SGCD: variants seen among roughly 807,000 people sequenced by gnomAD.
The protein encoded by SGCD is sarcoglycan delta, also known as delta-sarcoglycan.
SGCD carries 18 observed loss-of-function variants against 36.6 expected under a neutral mutation model. The ratio of observed to expected loss-of-function variants is 0.49; its 90% CI spans 0.34 to 0.73. SGCD has a LOEUF of 0.73. Ranked by LOEUF, SGCD falls within the 30% of genes least tolerant of loss-of-function variation. The pLI is 0.01. For missense variants in SGCD, 387 were observed against 346.7 expected, an observed-to-expected ratio of 1.12 and a Z score of -0.92; for synonymous variants, 133 against 130.6, an observed-to-expected ratio of 1.02 and a Z score of -0.12.
intron 1 of SGCD, among the ~76,000 whole-genome samples, chr5:156,062,069 C>T (rs1760228394): frequency 1.2e-5 from 1 of 84,620 alleles, no homozygotes; most frequent in Non-Finnish European, 2.2e-5. Flanking sequence ...TCTCCCAATG[C>T]TATCCCTCCC....
chr5:156,403,974 C>T (rs1193090529), intron 3 of SGCD, among the ~76,000 whole-genome samples: 1 of 152,004 alleles, frequency 6.6e-6, no homozygotes, highest in Non-Finnish European at 1.5e-5. Flanking sequence ...GCTGGGATTA[C>T]AGGTGGTGCA....
chr5:156,097,595 T>C (rs1343547365), intron 1 of SGCD, among the ~76,000 whole-genome samples: 1 of 147,114 alleles, frequency 6.8e-6, no homozygotes, highest in Non-Finnish European at 1.5e-5. Context: ...GTTTCTTTGC[T>C]GAGATTTCCT....
chr5:156,493,967 T>C (rs1239942444), intron 3 of SGCD, among the ~76,000 whole-genome samples: 1 of 152,146 alleles, frequency 6.6e-6, no homozygotes, highest in East Asian at 1.9e-4. Context: ...ATGGGTCCTC[T>C]TTTCTTTTCC....
At chr5:156,690,637 A>G (rs1051701702) in intron 7 of SGCD, among the ~76,000 whole-genome samples, 3 of 152,192 alleles carry the variant, frequency 2.0e-5, no homozygotes, top group African/African-American at 4.8e-5. Flanking sequence ...CAGGAAAACA[A>G]TTATAAATAG....
chr5:156,365,068 A>G (rs1302498815), intron 3 of SGCD, among the ~76,000 whole-genome samples: 2 of 152,238 alleles, frequency 1.3e-5, no homozygotes, highest in Admixed American at 1.3e-4. Context: ...AAATGACAGT[A>G]TAAAAATGTG....
At chr5:156,296,968 G>T (rs1451509424) in intron 3 of SGCD, among the ~76,000 whole-genome samples, 9 of 151,036 alleles carry the variant, frequency 6.0e-5, no homozygotes, top group Non-Finnish European at 1.2e-4. Flanking sequence ...ACTATATATA[G>T]TATATATGTA....
At chr5:155,887,044 T>C (rs1009830586) in intron 1 of SGCD, among the ~76,000 whole-genome samples, 1 of 152,180 alleles carries the variant, frequency 6.6e-6, no homozygotes, top group Non-Finnish European at 1.5e-5. Context: ...TTTTATTTCA[T>C]GGAAATAGTG....
chr5:156,542,337 C>T (rs1228075478), intron 4 of SGCD, among the ~76,000 whole-genome samples: 1 of 152,160 alleles, frequency 6.6e-6, no homozygotes, highest in Non-Finnish European at 1.5e-5. Context: ...TTAATCCAAC[C>T]ACTTCCGCTA....
chr5:156,697,804 G>A (rs1754380218), intron 7 of SGCD, among the ~76,000 whole-genome samples: 1 of 151,968 alleles, frequency 6.6e-6, no homozygotes, highest in Non-Finnish European at 1.5e-5. Flanking sequence ...TGAGTGGGTG[G>A]GTGGAAGGGT....
chr5:156,116,932 C>G (rs916495509), intron 1 of SGCD, among the ~76,000 whole-genome samples: 13 of 152,002 alleles, frequency 8.6e-5, no homozygotes, highest in Non-Finnish European at 1.9e-4. Context: ...GGCAGTAATT[C>G]TACTCCTCTG....
At chr5:156,695,925 T>C (rs1754302575) in intron 7 of SGCD, among the ~76,000 whole-genome samples, 1 of 152,208 alleles carries the variant, frequency 6.6e-6, no homozygotes, top group East Asian at 1.9e-4. Flanking sequence ...GTCCATTCTC[T>C]TGAGATGAGC....
At chr5:156,112,497 G>A (rs1007176819) in intron 1 of SGCD, among the ~76,000 whole-genome samples, 1 of 152,170 alleles carries the variant, frequency 6.6e-6, no homozygotes, top group Non-Finnish European at 1.5e-5. Context: ...CTCAGGATTA[G>A]CAAACCTGTG....
intron 3 of SGCD, among the ~76,000 whole-genome samples, chr5:156,248,605 G>T (rs1561583580): frequency 1.3e-5 from 2 of 152,052 alleles, no homozygotes; most frequent in African/African-American, 4.8e-5. Flanking sequence ...ACAAGTAGAA[G>T]CTACCTCATG....
At chr5:155,871,146 A>G (rs548040472) in intron 1 of SGCD, among the ~76,000 whole-genome samples, 2 of 152,138 alleles carry the variant, frequency 1.3e-5, no homozygotes, top group African/African-American at 2.4e-5. Flanking sequence ...ATCTCACTAT[A>G]TAGTATTAGA....
intron 7 of SGCD, among the ~76,000 whole-genome samples, 198 bp from the exon 8 acceptor site, chr5:156,757,382 CT>C (rs1757379365): frequency 6.6e-6 from 1 of 151,388 alleles, no homozygotes; most frequent in African/African-American, 2.4e-5. Flanking sequence ...TCCTTACAGC[CT>C]TTGTAAAATG....
intron 3 of SGCD, among the ~76,000 whole-genome samples, chr5:156,304,480 T>C (rs80063323): frequency 2.0e-5 from 3 of 152,226 alleles, no homozygotes; most frequent in Non-Finnish European, 4.4e-5. Context: ...CCTTCCACCA[T>C]GATTATGAGG....
intron 3 of SGCD, among the ~76,000 whole-genome samples, chr5:156,126,108 T>G (rs937176559): frequency 6.6e-6 from 1 of 152,002 alleles, no homozygotes; most frequent in Admixed American, 6.6e-5. Context: ...CTCGAACTCC[T>G]GAACTCAAGT....
At chr5:156,105,883 C>T (rs530643025) in intron 1 of SGCD, among the ~76,000 whole-genome samples, 29 of 151,614 alleles carry the variant, frequency 1.9e-4, no homozygotes, top group African/African-American at 5.8e-4. Flanking sequence ...GAGGCCAAGG[C>T]GGGTGGATAA....
intron 3 of SGCD, among the ~76,000 whole-genome samples, chr5:156,440,430 T>C (rs1163524968): frequency 6.6e-6 from 1 of 152,190 alleles, no homozygotes; most frequent in Non-Finnish European, 1.5e-5. Flanking sequence ...ATGAACAACA[T>C]TTGTGTACAC....
Sources: allele counts gnomAD v4.1 joint callset (sites outside exome capture counted in the v4.1 genomes callset), GRCh38; gene constraint gnomAD v4.1.1; transcripts MANE v1.5; gene names NCBI Gene and HGNC (gene_info 2026-07-23, HGNC 2026-07-21).